Variants in PEAR1 observed in about 807,000 individuals in gnomAD.
PEAR1 encodes the protein platelet endothelial aggregation receptor 1.
Under a neutral mutation model 131.2 loss-of-function variants are expected in PEAR1, and 113 were observed. That is an observed-to-expected ratio of 0.86 (90% confidence interval 0.74 to 1.01). The LOEUF (loss-of-function observed/expected upper bound fraction) is 1.01. Ranked by LOEUF, PEAR1 falls within the 50% of genes least tolerant of loss-of-function variation. The pLI is 0.00. For missense variants in PEAR1, 1,408 were observed against 1,391.1 expected (o/e 1.01, Z -0.19); for synonymous variants, 565 against 523.3 (o/e 1.08, Z -1.09).
intron 1 of PEAR1, among the ~76,000 whole-genome samples, chr1:156,894,561 C>T (rs754133365): frequency 1.3e-5 from 2 of 152,144 alleles, no homozygotes; most frequent in East Asian, 1.9e-4. Context: ...CTTGAGGTCC[C>T]GGGCAACTGG....
intron 17 of PEAR1, 67 bp downstream of exon 17, chr1:156,912,689 A>T (rs2101542777): frequency 6.2e-7 from 1 of 1,609,944 alleles, no homozygotes; most frequent in South Asian, 1.1e-5. Context: ...CCCCTCATAC[A>T]GTCCCTACTT....
rs770669772 is a variant in PEAR1, at chr1:156,903,947, C to A, written c.21C>A (p.Pro7=). 37 of 1,614,046 alleles carry A rather than the reference C, an allele frequency of 2.3e-5. No homozygotes were observed. In the South Asian group the frequency reaches 3.5e-4, roughly 15 times the overall value. ...CTGCAATGTCACCGCCTCTGTGTCC[C>A]CTCCTTCTCCTGGCTGTGGGCCTGC... is the stretch of plus-strand genomic sequence containing the variant. MSPPLC[P]LLLLAVGLRL... is the part of the protein sequence containing the mutation. The change falls in exon 2 of 23, where the codon CCC becomes CCA. Residue 7 remains proline (P), a synonymous_variant. Transcript: ENST00000292357.
At chr1:156,909,690 T>A in intron 11 of PEAR1, 61 bp from the exon 12 acceptor site, 1 of 1,495,690 alleles carries the variant, frequency 6.7e-7, no homozygotes, top group Non-Finnish European at 9.1e-7. Flanking sequence ...CAGCTCCCAC[T>A]GTGTGCTTGC....
intron 1 of PEAR1, among the ~76,000 whole-genome samples, chr1:156,899,757 AT>A (rs1312100673): frequency 1.3e-5 from 2 of 151,548 alleles, no homozygotes; most frequent in African/African-American, 4.9e-5. Flanking sequence ...CACTAATCTT[AT>A]CCCCATTTTC....
rs779577377 is a variant in PEAR1 at position 156,913,430 on chromosome 1, C to T, written c.2551C>T (p.Arg851Trp). The change falls in exon 20 of 23, where the codon CGG becomes TGG. Residue 851 changes from arginine (R) to tryptophan (W), a missense_variant. Transcript: ENST00000292357. ...PLFASLQNPE[R>W]PGGAQGHDNH... ...CTTTGCCAGCCTGCAGAACCCTGAGCGGCCAGGTGGGGCCCAAGGGCATGA... is the reference window on the plus strand; with the variant it reads ...CTTTGCCAGCCTGCAGAACCCTGAGTGGCCAGGTGGGGCCCAAGGGCATGA... 54 of 1,613,908 alleles carry T rather than the reference C, an allele frequency of 3.3e-5. 1 individual carries two copies. Among genetic ancestry groups the T allele is most frequent in the Admixed American group, 6.7e-5 (4 of 60,026 alleles).
At position 156,912,870 on chromosome 1, in the gene PEAR1, C is replaced by T. The variant is rs778183885; in HGVS notation, c.2310C>T (p.Ala770=). The T allele has an allele frequency of 1.6e-5, 26 of 1,614,096 alleles. No individual in the cohort carries two copies. The highest frequency in any genetic ancestry group is 1.6e-4 in the Middle Eastern group (1 of 6,082). The change falls in exon 18 of 23, where the codon GCC becomes GCT. Residue 770 remains alanine, a synonymous_variant. Coordinates refer to ENST00000292357, the MANE Select transcript of PEAR1 (RefSeq NM_001080471.3). ...CAGTGCTGGGGTCCCTTGTGGTAGC[C>T]CTGGTGGCACTGTTCATTGGCTATC... ...GIAVLGSLVV[A]LVALFIGYRH...
Position 156,909,835 on chromosome 1 carries a change from A to G in PEAR1, c.1496A>G (p.Glu499Gly). ...AATGCCAGCTGCCAGTGTGCCCATG[A>G]GGCAGTCTGCAGCCCCCAAACTGGA... ...SCNASCQCAHEAVCSPQTGAC... is the reference protein window; with the variant it reads ...SCNASCQCAHGAVCSPQTGAC... The change falls in exon 12 of 23, where the codon GAG becomes GGG. Residue 499 changes from glutamate (E) to glycine (G), a missense_variant. Glu to Gly is a moderately conservative substitution (Grantham distance 98). Transcript: ENST00000292357. 6.2e-7 allele frequency: 1 copy of G among 1,613,940 alleles called. No homozygotes were observed. Among genetic ancestry groups the G allele is most frequent in the South Asian group, 1.1e-5 (1 of 91,072 alleles).
At chr1:156,914,515 T>C (rs775672372) in intron 22 of PEAR1, 132 bp from the exon 23 acceptor site, 4 of 860,734 alleles carry the variant, frequency 4.6e-6, no homozygotes, top group Non-Finnish European at 7.0e-6. Flanking sequence ...TAAACTGGTG[T>C]ATGTATCCAG....
Position 156,913,533 on chromosome 1 carries a change from G to A in PEAR1, c.2644+10G>A, listed in dbSNP as rs551893668. 1.2e-5 allele frequency: 19 copies of A among 1,611,452 alleles called. No homozygotes were observed. Among genetic ancestry groups the A allele is most frequent in the Admixed American group, 6.7e-5 (4 of 59,974 alleles). ...GGGCCTCTGGACAGGGGTAGGTGCC[G>A]GGAGGCCAGGGTCTCTGGCGCGGGT... On this transcript the variant is annotated intron_variant, in intron 20 of 22. Transcript: ENST00000292357.
chr1:156,899,328 G>A (rs924246738), intron 1 of PEAR1, among the ~76,000 whole-genome samples: 4 of 152,150 alleles, frequency 2.6e-5, no homozygotes, highest in African/African-American at 9.7e-5. Context: ...AGGAACTAGG[G>A]TTGGTGCTTA....
chr1:156,896,883 C>T (rs1019838090), intron 1 of PEAR1, among the ~76,000 whole-genome samples: 19 of 152,202 alleles, frequency 1.2e-4, no homozygotes, highest in Admixed American at 4.6e-4. Context: ...AGTCTGGAGC[C>T]GCCTTTTGCT....
In PEAR1 at chr1:156,908,900, G is replaced by A. The variant is rs765983266; in HGVS notation, c.1291-16G>A. ...AAGGAATGGGCCGCCCCTCTCACCC[G>A]CTCACCCTCTTTCAGGGCCCTCACT... On this transcript the variant is annotated splice_polypyrimidine_tract_variant and intron_variant, in intron 10 of 22. Coordinates refer to ENST00000292357, the MANE Select transcript of PEAR1 (RefSeq NM_001080471.3). The surrounding 1 kb of genome is among the most constrained non-coding windows in gnomAD (Gnocchi z 4.2). The A allele has an allele frequency of 1.1e-5, 17 of 1,611,922 alleles. No individual in the cohort carries two copies. Among genetic ancestry groups the A allele is most frequent in the Non-Finnish European group, 1.3e-5 (15 of 1,179,888 alleles).
chr1:156,909,934 T>A lies in PEAR1; in HGVS notation c.1575+20T>A. 6.2e-7 allele frequency: 1 copy of A among 1,611,464 alleles called. No homozygotes were observed. Among genetic ancestry groups the A allele is most frequent in the Non-Finnish European group, 8.5e-7 (1 of 1,178,820 alleles). ...TGTCCGGTGAGTGCTGGACAGCCTGTCTGCCTGGGGGTGGGGAGGGCATGG... is the reference window on the plus strand; with the variant it reads ...TGTCCGGTGAGTGCTGGACAGCCTGACTGCCTGGGGGTGGGGAGGGCATGG... On this transcript the variant is annotated intron_variant, in intron 12 of 22. Coordinates refer to ENST00000292357, the MANE Select transcript of PEAR1 (RefSeq NM_001080471.3).
intron 1 of PEAR1, among the ~76,000 whole-genome samples, chr1:156,899,908 G>A (rs1455423368): frequency 6.6e-6 from 1 of 152,142 alleles, no homozygotes; most frequent in Admixed American, 6.5e-5. Flanking sequence ...AGTCCCTTCT[G>A]CTGTCTCACT....
chr1:156,898,466 T>C (rs984990248), intron 1 of PEAR1, among the ~76,000 whole-genome samples: 3 of 152,220 alleles, frequency 2.0e-5, no homozygotes, highest in Admixed American at 1.3e-4. Context: ...CTGGCCCCGC[T>C]GGATATAGGC....
In PEAR1 at chr1:156,912,952, C is replaced by A. The variant is rs778124758; in HGVS notation, c.2392C>A (p.Arg798Ser). Residue 798 changes from arginine to serine, a missense_variant, in exon 18 of 23, where the codon CGC becomes AGC. Physicochemically the swap from Arg to Ser is moderately radical, Grantham distance 110 (BLOSUM62 -1). Transcript: ENST00000292357. ...CCTGGCTGTGGCTTACAGCAGCGGG[C>A]GCCTGGACGGCTCCGAGTATGTCAT... ...HHLAVAYSSG[R>S]LDGSEYVMPD... 6.2e-7 allele frequency: 1 copy of A among 1,614,154 alleles called. No individual in the cohort carries two copies. Among genetic ancestry groups the A allele is most frequent in the East Asian group, 2.2e-5 (1 of 44,882 alleles).
At position 156,909,855 on chromosome 1, in the gene PEAR1, A is replaced by G. The variant is rs757660786; in HGVS notation, c.1516A>G (p.Thr506Ala). ...CCATGAGGCAGTCTGCAGCCCCCAA[A>G]CTGGAGCCTGTACCTGCACCCCTGG... ...CAHEAVCSPQ[T>A]GACTCTPGWH... The change falls in exon 12 of 23, where the codon ACT becomes GCT. Residue 506 changes from threonine to alanine, a missense_variant. By Grantham distance (58) the Thr-to-Ala change is moderately conservative (BLOSUM62 0). Transcript: ENST00000292357. 10 of 1,613,548 alleles carry G rather than the reference A, an allele frequency of 6.2e-6. No individual in the cohort carries two copies. In the East Asian group the frequency reaches 2.0e-4, roughly 32 times the overall value.
At chr1:156,909,620 T>G in intron 11 of PEAR1, 131 bp from the exon 12 acceptor site, 1 of 991,426 alleles carries the variant, frequency 1.0e-6, no homozygotes. Flanking sequence ...GCTTTTCTCC[T>G]GTATGGTGCC....
intron 3 of PEAR1, chr1:156,905,119 T>C (rs73006629): frequency 3.2e-4 from 396 of 1,247,300 alleles, no homozygotes; most frequent in Non-Finnish European, 4.2e-4. Flanking sequence ...TTTCTTTTTT[T>C]AATAGACAAG....
Sources: allele counts gnomAD v4.1 joint callset (sites outside exome capture counted in the v4.1 genomes callset), GRCh38; gene constraint gnomAD v4.1.1; non-coding constraint Gnocchi (gnomAD v3.1); transcripts MANE v1.5; gene names NCBI Gene and HGNC (gene_info 2026-07-23, HGNC 2026-07-21).